Variants in MCM3AP observed in about 807,000 individuals in gnomAD.
MCM3AP encodes the protein germinal-center associated nuclear protein.
Under a neutral mutation model 184.1 loss-of-function variants are expected in MCM3AP, and 126 were observed. That is an observed-to-expected ratio of 0.68 (90% CI 0.59 to 0.79). The LOEUF (loss-of-function observed/expected upper bound fraction) is 0.79. MCM3AP is among the 30% of genes least tolerant of loss of function. The pLI is 0.00. For missense variants in MCM3AP, 2,496 were observed against 2,479.2 expected, an observed-to-expected ratio of 1.01 and a Z score of -0.14; for synonymous variants, 1,002 against 979.3, an observed-to-expected ratio of 1.02 and a Z score of -0.43.
rs1355998679 is a variant in MCM3AP, at chr21:46,285,565, C to T, written c.-279G>A. The T allele has an allele frequency of 2.3e-5, 8 of 347,448 alleles. No individual in the cohort carries two copies. Among genetic ancestry groups the T allele is most frequent in the Non-Finnish European group, 4.2e-5 (8 of 191,892 alleles). 21.5% of individuals were successfully genotyped at this position (347,448 alleles called of 1,614,324 possible). A position where few individuals can be genotyped will look rare whatever the true frequency, so the allele number is the denominator to read the frequency against. ...TTGGAGGGTGGGGTAGAGAGTGGTA[C>T]AAATAATTACTTTGTTACAGAGGTT... On this transcript the variant is annotated 5_prime_UTR_variant, in exon 1 of 28. Coordinates refer to ENST00000291688, the MANE Select transcript of MCM3AP (RefSeq NM_003906.5).
At chr21:46,239,533 G>A (rs1398175162) in intron 26 of MCM3AP, among the ~76,000 whole-genome samples, 1 of 152,226 alleles carries the variant, frequency 6.6e-6, no homozygotes, top group African/African-American at 2.4e-5. Context: ...GCCATCAACA[G>A]AGATGACCAC....
At chr21:46,246,592 C>T (rs768031627) in intron 21 of MCM3AP, 36 bp downstream of exon 21, 1 of 1,602,678 alleles carries the variant, frequency 6.2e-7, no homozygotes, top group Non-Finnish European at 8.5e-7. Flanking sequence ...ATTTATTAAA[C>T]AATGCTGCTT....
In MCM3AP at chr21:46,246,796, G is replaced by C. The variant is rs756156237; in HGVS notation, c.4381C>G (p.Pro1461Ala). The change falls in exon 21 of 28, where the codon CCC becomes GCC. Residue 1461 changes from proline to alanine, a missense_variant. Pro to Ala is a conservative substitution (Grantham distance 27). Coordinates refer to ENST00000291688, the MANE Select transcript of MCM3AP (RefSeq NM_003906.5). ...ATGTCCTCACTCTTCATTTTGGGGG[G>C]AAGCAGCAGCATGAGCCCACTGGCT... is the stretch of plus-strand genomic sequence containing the variant. Reference protein sequence around the residue: ...LGASGLMLLLPPKMKSEDMAE... With the variant: ...LGASGLMLLLAPKMKSEDMAE... 3 of 1,614,204 alleles carry C rather than the reference G, an allele frequency of 1.9e-6. No homozygotes were observed. The East Asian group carries it at 6.7e-5, about 36-fold the overall frequency.
rs144577307 is a variant in MCM3AP at position 46,285,272 on chromosome 21, A to G, written c.15T>C (p.Asn5=). ...CACTAGGCTGCTGCCCACTGAAAGG[A>G]TTAGTTGGGTTCATCTTCTGCTCCA... MNPT[N]PFSGQQPSAF... Residue 5 remains asparagine, a synonymous_variant, in exon 1 of 28, where the codon AAT becomes AAC. Coordinates refer to ENST00000291688, the MANE Select transcript of MCM3AP (RefSeq NM_003906.5). 3.3e-4 allele frequency: 528 copies of G among 1,612,430 alleles called. No homozygotes were observed. The highest frequency in any genetic ancestry group is 1.4e-3 in the South Asian group (124 of 90,982).
At position 46,243,566 on chromosome 21, in the gene MCM3AP, G is replaced by A; in HGVS notation, c.5195C>T (p.Ala1732Val). ...KSKSPSPVHG[A>V]GPSVMEIPWD... ...TGGGATCTCCATGACCGAGGGGCCT[G>A]CCCCATGGACTGGGGAGGGACTCTT... is the stretch of plus-strand genomic sequence containing the variant. Residue 1732 changes from alanine to valine, a missense_variant, in exon 24 of 28, where the codon GCA becomes GTA. Transcript: ENST00000291688. 1 of 1,614,206 alleles carries A rather than the reference G, an allele frequency of 6.2e-7. No homozygotes were observed. The highest frequency in any genetic ancestry group is 8.5e-7 in the Non-Finnish European group (1 of 1,180,022).
intron 8 of MCM3AP, among the ~76,000 whole-genome samples, chr21:46,271,844 G>C (rs1040035465): frequency 3.3e-5 from 5 of 151,816 alleles, no homozygotes; most frequent in Admixed American, 2.6e-4. Context: ...CTGGGCAACA[G>C]AGCAGGACTC....
chr21:46,272,459 G>T, intron 8 of MCM3AP, 102 bp downstream of exon 8: 1 of 1,202,126 alleles, frequency 8.3e-7, no homozygotes, highest in Non-Finnish European at 1.2e-6. Flanking sequence ...CTACCAGACA[G>T]AATGCTGCAC....
In MCM3AP at chr21:46,237,042, A is replaced by G. The variant is rs570904099; in HGVS notation, c.5634-63T>C. On this transcript the variant is annotated intron_variant, in intron 26 of 27. Transcript: ENST00000291688. ...ATTAGGAAGTTAACTATTGTTCATT[A>G]ATCTTCTATATATACTTAAAAACTT... The G allele has an allele frequency of 2.8e-5, 26 of 944,006 alleles. 1 individual carries two copies. In the South Asian group the frequency reaches 5.8e-4, roughly 21 times the overall value. 58.5% of individuals were successfully genotyped at this position (944,006 alleles called of 1,614,324 possible). A position where few individuals can be genotyped will look rare whatever the true frequency, so the allele number is the denominator to read the frequency against.
At chr21:46,268,690 C>T (rs909260337) in intron 9 of MCM3AP, among the ~76,000 whole-genome samples, 3 of 152,214 alleles carry the variant, frequency 2.0e-5, no homozygotes, top group Non-Finnish European at 4.4e-5. Flanking sequence ...TGCCTCTGTG[C>T]GCCACTGCCG....
Position 46,235,422 on chromosome 21 carries a change from T to G in MCM3AP, c.5789A>C (p.Asp1930Ala). 6.2e-7 allele frequency: 1 copy of G among 1,614,022 alleles called. No individual in the cohort carries two copies. The highest frequency in any genetic ancestry group is 1.1e-5 in the South Asian group (1 of 91,076). Residue 1930 changes from aspartate (D) to alanine (A), a missense_variant, in exon 28 of 28, where the codon GAC becomes GCC. Transcript: ENST00000291688. ...CAGCTGCAGTTGCTCCCTCATCATG[T>G]CACTCTATTTGAATAAAAAAGAAAC... Reference protein sequence around the residue: ...KTSVTTSPQSDMMREQLQLSE... With the variant: ...KTSVTTSPQSAMMREQLQLSE...
intron 5 of MCM3AP, among the ~76,000 whole-genome samples, chr21:46,276,887 A>G (rs1311287318): frequency 1.3e-5 from 2 of 151,808 alleles, no homozygotes; most frequent in Non-Finnish European, 2.9e-5. Context: ...ACAGATGCAC[A>G]CCACCGCACC....
At chr21:46,264,620 G>A (rs1000169714) in intron 12 of MCM3AP, among the ~76,000 whole-genome samples, 7 of 152,154 alleles carry the variant, frequency 4.6e-5, no homozygotes, top group African/African-American at 9.7e-5. Context: ...GGCACCTGTC[G>A]GGACCATGCC....
chr21:46,235,976 C>T (rs895742680), intron 27 of MCM3AP, among the ~76,000 whole-genome samples: 3 of 152,184 alleles, frequency 2.0e-5, no homozygotes, highest in African/African-American at 7.2e-5. Context: ...GTGAATTATT[C>T]TATCACATGA....
At chr21:46,281,112 T>A (rs995302794) in intron 2 of MCM3AP, among the ~76,000 whole-genome samples, 1 of 152,196 alleles carries the variant, frequency 6.6e-6, no homozygotes, top group Non-Finnish European at 1.5e-5. Flanking sequence ...GGCCCCTTTT[T>A]TTTAATTAAC....
At chr21:46,258,763 A>G (rs1429573902) in intron 16 of MCM3AP, among the ~76,000 whole-genome samples, 176 bp downstream of exon 16, 1 of 82,616 alleles carries the variant, frequency 1.2e-5, no homozygotes, top group Admixed American at 1.4e-4. Context: ...GTGTGTAATC[A>G]AGTATTTCTG....
rs1225248325 is a variant in MCM3AP at position 46,283,850 on chromosome 21, G to A, written c.1220-12C>T. On this transcript the variant is annotated splice_polypyrimidine_tract_variant and intron_variant, in intron 1 of 27. Coordinates refer to ENST00000291688, the MANE Select transcript of MCM3AP (RefSeq NM_003906.5). ...TCCTCTTAGAGAATCTAGGGGTTCA[G>A]AGAATGGACACTTAAACCATCAGAT... The A allele has an allele frequency of 2.5e-6, 4 of 1,603,910 alleles. No individual in the cohort carries two copies. The highest frequency in any genetic ancestry group is 2.2e-5 in the South Asian group (2 of 90,738).
chr21:46,251,872 G>A (rs796562295), intron 19 of MCM3AP, 190 bp from the exon 20 acceptor site: 36 of 301,194 alleles, frequency 1.2e-4, no homozygotes, highest in African/African-American at 8.1e-4. Context: ...GCAACGATCT[G>A]TACTCGTTCT....
At chr21:46,283,032 TCTC>T (rs2081352990) in intron 2 of MCM3AP, among the ~76,000 whole-genome samples, 1 of 151,456 alleles carries the variant, frequency 6.6e-6, no homozygotes, top group Non-Finnish European at 1.5e-5. Context: ...TTCAAGCAAT[TCTC>T]CTGCCTCAGC....
In MCM3AP at chr21:46,272,833, G is replaced by A. The variant is rs1356264912; in HGVS notation, c.2197-4C>T. 4 of 1,573,340 alleles carry A rather than the reference G, an allele frequency of 2.5e-6. No individual in the cohort carries two copies. Among genetic ancestry groups the A allele is most frequent in the Admixed American group, 1.8e-5 (1 of 55,996 alleles). On this transcript the variant is annotated splice_region_variant and splice_polypyrimidine_tract_variant and intron_variant, in intron 7 of 27. Coordinates refer to ENST00000291688, the MANE Select transcript of MCM3AP (RefSeq NM_003906.5). ...AGAGGTGCTGCTGCGTGATATCCTGGCCACAGGCGAGGGGGAGGATCACAC... is the reference window on the plus strand; with the variant it reads ...AGAGGTGCTGCTGCGTGATATCCTGACCACAGGCGAGGGGGAGGATCACAC...
Sources: gnomAD v4.1 joint callset for allele counts (sites outside exome capture counted in the v4.1 genomes callset) on GRCh38, gnomAD v4.1.1 for gene constraint, MANE v1.5 for transcripts, NCBI Gene and HGNC (gene_info 2026-07-23, HGNC 2026-07-21) for gene names.